Variants in NETO1 observed in about 807,000 individuals in gnomAD.
The protein encoded by NETO1 is neuropilin and tolloid-like protein 1.
NETO1 carries 26 observed loss-of-function variants against 61.3 expected under a neutral mutation model. The ratio of observed to expected loss-of-function variants is 0.42; its 90% CI spans 0.31 to 0.59. The LOEUF (loss-of-function observed/expected upper bound fraction) is 0.59. Among genes scored for constraint, NETO1 ranks in the 20% least tolerant of loss-of-function variants. The pLI is 0.12. For missense variants in NETO1, 531 were observed against 662.8 expected (o/e 0.80, Z 2.18); for synonymous variants, 225 against 225.8 (o/e 1.00, Z 0.03).
At chr18:72,807,745 CA>C (rs1568215658) in intron 4 of NETO1, among the ~76,000 whole-genome samples, 5 of 108,516 alleles carry the variant, frequency 4.6e-5, no homozygotes, top group African/African-American at 9.1e-5. Context: ...CACACACACA[CA>C]CACACACACC....
intron 4 of NETO1, chr18:72,834,422 T>G (rs2073677906): frequency 2.7e-5 from 26 of 975,594 alleles, no homozygotes; most frequent in Non-Finnish European, 3.2e-5. Flanking sequence ...AAAATTTCAC[T>G]GAAATTTAAA....
rs1014144097 is a variant in NETO1, at chr18:72,834,015, C to T, written c.469+24811G>A. ...TGAATACAACATTTTAACACCCAAC[C>T]TACAAGAGACAGATATATTTTCATT... is the stretch of plus-strand genomic sequence containing the variant. On this transcript the variant is annotated intron_variant, in intron 4 of 10. Transcript: ENST00000327305. 76 of 657,296 alleles carry T rather than the reference C, an allele frequency of 1.2e-4. No individual in the cohort carries two copies. In the African/African-American group the frequency reaches 1.4e-3, roughly 12 times the overall value. The allele number at this position is 657,296 out of a possible 1,614,324, so 40.7% of individuals were successfully genotyped here.
Position 72,750,349 on chromosome 18 carries a change from A to G in NETO1, c.1254T>C (p.His418=). 6.2e-7 allele frequency: 1 copy of G among 1,614,064 alleles called. No homozygotes were observed. ...ATTTGGAAGATGACCTCCGCAGTTT[A>G]TGGTAATTTTCAAAGTCATCTGCCA... ...ADVADDFENY[H]KLRRSSSKCI... Residue 418 remains histidine, a synonymous_variant, in exon 9 of 11, where the codon CAT becomes CAC. Transcript: ENST00000327305.
chr18:72,858,795 A>G (rs1568270643), intron 4 of NETO1, 31 bp downstream of exon 4: 1 of 1,563,950 alleles, frequency 6.4e-7, no homozygotes, highest in Non-Finnish European at 8.6e-7. Flanking sequence ...TGAGGAAGAA[A>G]AAGAAATTTT....
intron 6 of NETO1, among the ~76,000 whole-genome samples, chr18:72,786,324 T>C (rs562364127): frequency 1.3e-5 from 2 of 152,198 alleles, no homozygotes; most frequent in East Asian, 3.9e-4. Flanking sequence ...ATGCTGAAAA[T>C]AGAATGTGAA....
rs776135165 is a variant in NETO1 at position 72,767,788 on chromosome 18, T to C, written c.869-11641A>G. Among the ~76,000 whole-genome samples, 53 of 151,688 alleles carry C rather than the reference T, an allele frequency of 3.5e-4. 1 individual carries two copies. The highest frequency in any genetic ancestry group is 2.0e-3 in the Admixed American group (31 of 15,208). ...AAAGAAATGAGGGAGGAAAGGAGGG[T>C]TGGTTGGCTTCTGGTAGATTATACA... On this transcript the variant is annotated intron_variant, in intron 7 of 10. Transcript: ENST00000327305.
At chr18:72,754,018 C>A (rs931002090) in intron 8 of NETO1, among the ~76,000 whole-genome samples, 1 of 151,656 alleles carries the variant, frequency 6.6e-6, no homozygotes, top group African/African-American at 2.4e-5. Context: ...GGGTATGTAA[C>A]GTTTAAAAAT....
Position 72,798,906 on chromosome 18 carries a change from A to G in NETO1, c.470-4502T>C, listed in dbSNP as rs536099032. Reference sequence around the variant, plus strand: ...ACAATGTGTGGTGACCAGTTATCCAAGGAAGTCATGAAACCAACAAAACTG... The same window carrying G: ...ACAATGTGTGGTGACCAGTTATCCAGGGAAGTCATGAAACCAACAAAACTG... On this transcript the variant is annotated intron_variant, in intron 4 of 10. Coordinates refer to ENST00000327305, the MANE Select transcript of NETO1 (RefSeq NM_138966.5). 2.0e-5 allele frequency among the ~76,000 whole-genome samples: 3 copies of G among 152,328 alleles called. No homozygotes were observed. The East Asian group carries it at 5.8e-4, about 29-fold the overall frequency.
At chr18:72,768,845 A>G (rs1196540594) in intron 7 of NETO1, among the ~76,000 whole-genome samples, 1 of 152,208 alleles carries the variant, frequency 6.6e-6, no homozygotes, top group East Asian at 1.9e-4. Context: ...TCAGCCCAGT[A>G]AAACCTGTTT....
intron 4 of NETO1, among the ~76,000 whole-genome samples, chr18:72,821,604 C>T (rs138090914): frequency 5.0e-4 from 75 of 148,602 alleles, no homozygotes; most frequent in Middle Eastern, 3.4e-3. Context: ...GAATCATGTA[C>T]TACTTAGCAA....
At chr18:72,834,734 T>G (rs925385292) in intron 4 of NETO1, 5 of 984,990 alleles carry the variant, frequency 5.1e-6, no homozygotes, top group Non-Finnish European at 6.0e-6. Context: ...ACTGTTTGAT[T>G]GTTTGAGCAA....
intron 4 of NETO1, among the ~76,000 whole-genome samples, chr18:72,823,440 G>C (rs1441371683): frequency 6.6e-6 from 1 of 152,136 alleles, no homozygotes; most frequent in Non-Finnish European, 1.5e-5. Context: ...AGGGACCTAA[G>C]GGAAGAGGGA....
chr18:72,767,879 C>G (rs1194378173), intron 7 of NETO1, among the ~76,000 whole-genome samples: 2 of 152,188 alleles, frequency 1.3e-5, no homozygotes, highest in Non-Finnish European at 1.5e-5. Context: ...ACCCAAGTTT[C>G]AGTATGTTGT....
intron 3 of NETO1, among the ~76,000 whole-genome samples, chr18:72,860,006 G>A (rs536977099): frequency 6.6e-6 from 1 of 152,132 alleles, no homozygotes; most frequent in South Asian, 2.1e-4. Flanking sequence ...AAAGAATCAG[G>A]GAAAGCTTTA....
At chr18:72,789,361 A>G (rs2072037570) in intron 6 of NETO1, among the ~76,000 whole-genome samples, 1 of 152,174 alleles carries the variant, frequency 6.6e-6, no homozygotes, top group Non-Finnish European at 1.5e-5. Context: ...ATATGAGAGT[A>G]TAAAAATGCC....
chr18:72,755,764 T>A lies in NETO1; in HGVS notation c.982+270A>T, dbSNP rs141990794. On this transcript the variant is annotated intron_variant, in intron 8 of 10. Coordinates refer to ENST00000327305, the MANE Select transcript of NETO1 (RefSeq NM_138966.5). ...AGTGTGCTCCCCTGAAAGCTCCCGT[T>A]TTCATAGCTCTGCAGGCTCTAATAA... is the stretch of plus-strand genomic sequence containing the variant. Among the ~76,000 whole-genome samples the A allele has an allele frequency of 6.5e-3, 988 of 152,142 alleles. 4 individuals carry two copies. The highest frequency in any genetic ancestry group is 0.011 in the Non-Finnish European group (718 of 68,000).
At chr18:72,810,829 TATC>T (rs2072842600) in intron 4 of NETO1, among the ~76,000 whole-genome samples, 1 of 152,172 alleles carries the variant, frequency 6.6e-6, no homozygotes, top group African/African-American at 2.4e-5. Context: ...CATAAATCAA[TATC>T]ATATTTTTTA....
At position 72,867,490 on chromosome 18, in the gene NETO1, C is replaced by T. The variant is rs1326884193; in HGVS notation, c.-199G>A. The T allele has an allele frequency of 1.8e-5, 7 of 398,288 alleles. No homozygotes were observed. The highest frequency in any genetic ancestry group is 4.1e-5 in the African/African-American group (2 of 48,524). The allele number at this position is 398,288 out of a possible 1,614,324, so 24.7% of individuals were successfully genotyped here. On this transcript the variant is annotated 5_prime_UTR_variant, in exon 1 of 11. Transcript: ENST00000327305. ...GCAGCCAGATCCGGATGAGTCCGTCCTCCGCCCCGGGCGGGCTCTCGCTCT... is the reference window on the plus strand; with the variant it reads ...GCAGCCAGATCCGGATGAGTCCGTCTTCCGCCCCGGGCGGGCTCTCGCTCT...
At position 72,867,456 on chromosome 18, in the gene NETO1, G is replaced by A; in HGVS notation, c.-165C>T. Reference sequence around the variant, plus strand: ...GACCGAGAGGAAGGGGGAGCTCCGAGCCCACGCTGCAGCCAGATCCGGATG... The same window carrying A: ...GACCGAGAGGAAGGGGGAGCTCCGAACCCACGCTGCAGCCAGATCCGGATG... On this transcript the variant is annotated 5_prime_UTR_variant, in exon 1 of 11. Coordinates refer to ENST00000327305, the MANE Select transcript of NETO1 (RefSeq NM_138966.5). 2.3e-6 allele frequency: 1 copy of A among 434,266 alleles called. No homozygotes were observed. Among genetic ancestry groups the A allele is most frequent in the Non-Finnish European group, 4.1e-6 (1 of 246,276 alleles). 26.9% of individuals were successfully genotyped at this position (434,266 alleles called of 1,614,324 possible).
Sources: gnomAD v4.1 joint callset for allele counts (sites outside exome capture counted in the v4.1 genomes callset) on GRCh38, gnomAD v4.1.1 for gene constraint, MANE v1.5 for transcripts, NCBI Gene and HGNC (gene_info 2026-07-23, HGNC 2026-07-21) for gene names.